ASAP1: variants seen among roughly 807,000 people sequenced by gnomAD.
ASAP1 encodes arf-GAP with SH3 domain, ANK repeat and PH domain-containing protein 1.
Under a neutral mutation model 145.2 loss-of-function variants are expected in ASAP1, and 43 were observed. The ratio of observed to expected loss-of-function variants is 0.30; its 90% CI spans 0.23 to 0.38. ASAP1 has a LOEUF of 0.38. Ranked by LOEUF, ASAP1 falls within the 10% of genes least tolerant of loss-of-function variation. ASAP1 has a pLI of 1.00. For synonymous variants in ASAP1, 546 were observed against 515.5 expected (o/e 1.06, Z -0.80); for missense variants, 1,018 against 1,355.3 (o/e 0.75, Z 3.91).
intron 13 of ASAP1, among the ~76,000 whole-genome samples, chr8:130,143,525 C>T (rs1168203437): frequency 6.6e-6 from 1 of 151,970 alleles, no homozygotes; most frequent in Admixed American, 6.6e-5. Flanking sequence ...CTCTCCTACA[C>T]ACCCTCAGAC....
At chr8:130,091,534 A>G (rs1288305259) in intron 25 of ASAP1, among the ~76,000 whole-genome samples, 1 of 152,232 alleles carries the variant, frequency 6.6e-6, no homozygotes, top group East Asian at 1.9e-4. Flanking sequence ...GCCTTGATAT[A>G]GGGAGCTTGC....
intron 3 of ASAP1, among the ~76,000 whole-genome samples, chr8:130,291,049 G>A (rs1821914817): frequency 6.6e-6 from 1 of 152,154 alleles, no homozygotes; most frequent in South Asian, 2.1e-4. Context: ...CAGGAATCCA[G>A]TTATCTTGAC....
intron 2 of ASAP1, among the ~76,000 whole-genome samples, chr8:130,382,285 C>CAAAAAAAAA (rs35060121): frequency 4.1e-5 from 3 of 73,480 alleles, no homozygotes; most frequent in Non-Finnish European, 4.9e-5. Flanking sequence ...GATTCTGTCT[C>CAAAAAAAAA]AAAAAAAAAA....
chr8:130,087,647 G>C (rs561130951), intron 25 of ASAP1, among the ~76,000 whole-genome samples: 3 of 152,314 alleles, frequency 2.0e-5, no homozygotes, highest in African/African-American at 7.2e-5. Flanking sequence ...AGACTGGTGG[G>C]TACAACAGAG....
chr8:130,350,912 A>G (rs1825956721), intron 3 of ASAP1, among the ~76,000 whole-genome samples: 1 of 152,226 alleles, frequency 6.6e-6, no homozygotes, highest in Non-Finnish European at 1.5e-5. Flanking sequence ...TAGGCAAATC[A>G]GGTTGGGTCA....
At chr8:130,194,049 C>T (rs1815318391) in intron 5 of ASAP1, among the ~76,000 whole-genome samples, 1 of 151,966 alleles carries the variant, frequency 6.6e-6, no homozygotes, top group Non-Finnish European at 1.5e-5. Context: ...GATAGAAAAC[C>T]CCAAGAATTA....
chr8:130,371,335 A>G (rs1827204236), intron 2 of ASAP1, among the ~76,000 whole-genome samples: 1 of 152,208 alleles, frequency 6.6e-6, no homozygotes, highest in African/African-American at 2.4e-5. Context: ...TCAAAGTTCA[A>G]GCCCTTTGCA....
At chr8:130,230,758 C>G (rs1246616523) in intron 4 of ASAP1, among the ~76,000 whole-genome samples, 1 of 152,124 alleles carries the variant, frequency 6.6e-6, no homozygotes, top group Non-Finnish European at 1.5e-5. Context: ...TGGCTATCCA[C>G]AAACTTGAAA....
chr8:130,357,229 T>A (rs1177232299), intron 3 of ASAP1, among the ~76,000 whole-genome samples: 1 of 150,598 alleles, frequency 6.6e-6, no homozygotes, highest in Non-Finnish European at 1.5e-5. Context: ...AACGCTTTCC[T>A]GAAGGGTCCA....
At chr8:130,217,560 A>ACACACACACAC (rs1565100713) in intron 4 of ASAP1, among the ~76,000 whole-genome samples, 5 of 151,716 alleles carry the variant, frequency 3.3e-5, no homozygotes, top group African/African-American at 1.2e-4. Context: ...ACACACACAC[A>ACACACACACAC]GATCTTTTCC....
chr8:130,216,474 A>G (rs965588942), intron 4 of ASAP1, among the ~76,000 whole-genome samples: 2 of 152,154 alleles, frequency 1.3e-5, no homozygotes, highest in Non-Finnish European at 2.9e-5. Flanking sequence ...ATAAACAATA[A>G]CCCCCACTGC....
At chr8:130,209,436 T>C (rs1353432184) in intron 5 of ASAP1, among the ~76,000 whole-genome samples, 1 of 152,140 alleles carries the variant, frequency 6.6e-6, no homozygotes, top group East Asian at 1.9e-4. Context: ...TGTGTTGACA[T>C]TTGCACTGAC....
chr8:130,436,966 G>A (rs957968817), intron 1 of ASAP1, among the ~76,000 whole-genome samples: 4 of 151,838 alleles, frequency 2.6e-5, no homozygotes, highest in African/African-American at 7.3e-5. Context: ...TTAGCCAGGC[G>A]TGGTGGAACA....
At chr8:130,354,163 T>C (rs571125116) in intron 3 of ASAP1, among the ~76,000 whole-genome samples, 1 of 152,254 alleles carries the variant, frequency 6.6e-6, no homozygotes, top group Admixed American at 6.5e-5. Flanking sequence ...GTGCTGGGAT[T>C]ACAGGCCTGA....
chr8:130,166,011 CTCT>C (rs781084931), intron 11 of ASAP1, among the ~76,000 whole-genome samples: 5 of 151,856 alleles, frequency 3.3e-5, no homozygotes, highest in South Asian at 2.1e-4. Context: ...TTAAATATTG[CTCT>C]TCATTTTTTG....
intron 13 of ASAP1, among the ~76,000 whole-genome samples, chr8:130,146,062 G>A (rs1453372193): frequency 6.7e-6 from 1 of 149,458 alleles, no homozygotes; most frequent in African/African-American, 2.5e-5. Flanking sequence ...ACGTAGCCCA[G>A]GCTGGTCTCC....
intron 1 of ASAP1, among the ~76,000 whole-genome samples, chr8:130,430,885 T>C (rs1297150026): frequency 6.6e-6 from 1 of 152,184 alleles, no homozygotes; most frequent in Non-Finnish European, 1.5e-5. Flanking sequence ...ACAGCTCCAC[T>C]TCCTGTTCCA....
At chr8:130,147,161 A>T (rs937525662) in intron 13 of ASAP1, among the ~76,000 whole-genome samples, 1 of 141,448 alleles carries the variant, frequency 7.1e-6, no homozygotes, top group South Asian at 2.4e-4. Context: ...CAGGGAGCCA[A>T]GATGGTGCCA....
At chr8:130,077,575 C>G (rs956878510) in intron 26 of ASAP1, among the ~76,000 whole-genome samples, 1 of 104,972 alleles carries the variant, frequency 9.5e-6, no homozygotes, top group African/African-American at 3.8e-5. Flanking sequence ...GAGACACAGT[C>G]TTGCTCTGTC....
Sources: allele counts gnomAD v4.1 joint callset (sites outside exome capture counted in the v4.1 genomes callset), GRCh38; gene constraint gnomAD v4.1.1; transcripts MANE v1.5; gene names NCBI Gene and HGNC (gene_info 2026-07-23, HGNC 2026-07-21).